SIN3A: variants seen among roughly 807,000 people sequenced by gnomAD.
SIN3A encodes SIN3 transcription regulator family member A, also known as paired amphipathic helix protein Sin3a.
Under a neutral mutation model 146.1 loss-of-function variants are expected in SIN3A, and 14 were observed. That is an observed-to-expected ratio of 0.10 (90% CI 0.06 to 0.15). SIN3A has a LOEUF of 0.15. SIN3A is among the 10% of genes least tolerant of loss of function. The pLI, the probability that SIN3A is intolerant of heterozygous loss-of-function variation, is 1.00. For missense variants in SIN3A, 1,028 were observed against 1,576.0 expected (o/e 0.65, Z 5.89); for synonymous variants, 572 against 572.0 (o/e 1.00, Z 0.00).
upstream of SIN3A, chr15:75,453,134 A>C (rs1267584245): frequency 6.6e-6 from 1 of 152,288 alleles, no homozygotes; most frequent in Non-Finnish European, 1.5e-5. Context: ...CCCAAGGGAC[A>C]CGCCCAGGGA....
chr15:75,442,024 G>A (rs2074220910), intron 1 of SIN3A, among the ~76,000 whole-genome samples: 2 of 145,952 alleles, frequency 1.4e-5, no homozygotes, highest in Admixed American at 1.4e-4. Flanking sequence ...GGAGGCTGAG[G>A]CAGGAGAATC....
At chr15:75,381,771 G>A (rs1159752402) in intron 17 of SIN3A, 66 bp from the exon 18 acceptor site, 5 of 1,297,950 alleles carry the variant, frequency 3.9e-6, no homozygotes, top group Non-Finnish European at 5.6e-6. Context: ...TCTTCTCAAG[G>A]AATGAGAGGT....
At chr15:75,411,107 T>A (rs1595907277) in intron 6 of SIN3A, among the ~76,000 whole-genome samples, 2 of 152,168 alleles carry the variant, frequency 1.3e-5, no homozygotes, top group African/African-American at 4.8e-5. Context: ...GGTGGGCAGA[T>A]CACAAGGTCA....
intron 11 of SIN3A, among the ~76,000 whole-genome samples, chr15:75,400,505 T>C (rs2073391447): frequency 1.3e-5 from 2 of 152,042 alleles, no homozygotes; most frequent in South Asian, 2.1e-4. Flanking sequence ...GCCCAGGAGG[T>C]TGAGGCACTA....
At chr15:75,433,998 G>GTAA (rs2074058952) in intron 1 of SIN3A, among the ~76,000 whole-genome samples, 1 of 152,160 alleles carries the variant, frequency 6.6e-6, no homozygotes, top group African/African-American at 2.4e-5. Context: ...CAAAGATTAA[G>GTAA]TAAACTGCCC....
intron 3 of SIN3A, chr15:75,421,049 T>C (rs999727122): frequency 1.3e-5 from 2 of 152,254 alleles, no homozygotes; most frequent in African/African-American, 4.8e-5. Flanking sequence ...TAAAAACTGG[T>C]GTTGTGCTTT....
intron 19 of SIN3A, among the ~76,000 whole-genome samples, chr15:75,377,008 A>T (rs1270479557): frequency 6.6e-6 from 1 of 152,200 alleles, no homozygotes; most frequent in Non-Finnish European, 1.5e-5. Context: ...AACTATTCTC[A>T]TAATAATACT....
chr15:75,426,874 G>A (rs1326289711), intron 2 of SIN3A, among the ~76,000 whole-genome samples: 1 of 152,092 alleles, frequency 6.6e-6, no homozygotes, highest in Non-Finnish European at 1.5e-5. Context: ...GAAGGGTGCA[G>A]TGAGCTGAGA....
chr15:75,443,516 G>C (rs1317877609), intron 1 of SIN3A: 1 of 152,078 alleles, frequency 6.6e-6, no homozygotes, highest in African/African-American at 2.4e-5. Flanking sequence ...AGGAGTTCGA[G>C]ACTAGCCTAG....
chr15:75,441,832 AC>A (rs1436504459), intron 1 of SIN3A, among the ~76,000 whole-genome samples: 1 of 152,114 alleles, frequency 6.6e-6, no homozygotes, highest in Admixed American at 6.6e-5. Context: ...ATCAGAATGA[AC>A]AATCCAGGCT....
chr15:75,430,991 T>A (rs1355891688), intron 1 of SIN3A, among the ~76,000 whole-genome samples: 3 of 152,148 alleles, frequency 2.0e-5, no homozygotes, highest in Non-Finnish European at 4.4e-5. Flanking sequence ...TTACCCAGGA[T>A]GGTCTCGATC....
At chr15:75,446,686 CTTG>C (rs1287939587) in intron 1 of SIN3A, among the ~76,000 whole-genome samples, 1 of 151,910 alleles carries the variant, frequency 6.6e-6, no homozygotes, top group Non-Finnish European at 1.5e-5. Flanking sequence ...GAGACAGGGT[CTTG>C]TTATGATGCC....
At chr15:75,384,853 CAG>C (rs750730953) in intron 16 of SIN3A, among the ~76,000 whole-genome samples, 1 of 152,136 alleles carries the variant, frequency 6.6e-6, no homozygotes, top group Non-Finnish European at 1.5e-5. Context: ...GCAAGCTAGA[CAG>C]AGAGTTGGGG....
rs745459520 is a variant in SIN3A at position 75,384,457 on chromosome 15, A to G, written c.3022-20T>C. On this transcript the variant is annotated intron_variant, in intron 16 of 20. Transcript: ENST00000394947. ...CTGCAGCTGGAAGCAAACAAAGGCA[A>G]GCTTTTAGTGAACACAGAAAACATT... 13 of 1,565,330 alleles carry G rather than the reference A, an allele frequency of 8.3e-6. No individual in the cohort carries two copies. The East Asian group carries it at 2.9e-4, about 35-fold the overall frequency.
chr15:75,429,369 G>A (rs1420301395), intron 2 of SIN3A, among the ~76,000 whole-genome samples: 5 of 152,140 alleles, frequency 3.3e-5, no homozygotes, highest in Admixed American at 2.0e-4. Context: ...GCTGCAGTGA[G>A]TCATGATCGC....
chr15:75,400,487 T>A (rs1450981656), intron 11 of SIN3A, among the ~76,000 whole-genome samples: 1 of 152,120 alleles, frequency 6.6e-6, no homozygotes, highest in African/African-American at 2.4e-5. Context: ...CTTGGGAGGA[T>A]CATTTGAGCC....
intron 4 of SIN3A, 76 bp from the exon 5 acceptor site, chr15:75,413,121 TTTTTC>T: frequency 6.8e-6 from 10 of 1,465,898 alleles, no homozygotes; most frequent in Non-Finnish European, 6.4e-6. Flanking sequence ...TTCATGTTTT[TTTTTC>T]TTTTGAGACG....
chr15:75,408,209 G>A (rs752123303), intron 8 of SIN3A, among the ~76,000 whole-genome samples: 2 of 152,138 alleles, frequency 1.3e-5, no homozygotes, highest in South Asian at 2.1e-4. Flanking sequence ...AAGAGTGGGC[G>A]GACGTAAATC....
chr15:75,420,502 A>G (rs2073823776), intron 3 of SIN3A: 1 of 152,084 alleles, frequency 6.6e-6, no homozygotes. Flanking sequence ...CTCCTGCCTC[A>G]GCCTCCTGAG....
Sources: allele counts gnomAD v4.1 joint callset (sites outside exome capture counted in the v4.1 genomes callset), GRCh38; gene constraint gnomAD v4.1.1; transcripts MANE v1.5; gene names NCBI Gene and HGNC (gene_info 2026-07-23, HGNC 2026-07-21).